The following MZF1 variants were observed in gnomAD, a reference collection of about 807,000 sequenced individuals.
The protein encoded by MZF1 is myeloid zinc finger 1.
A neutral mutation model predicts 28.6 loss-of-function variants in MZF1; 24 were observed. The ratio of observed to expected loss-of-function variants is 0.84; its 90% CI spans 0.61 to 1.18. The LOEUF (loss-of-function observed/expected upper bound fraction) is 1.18, where lower values mean the gene tolerates loss of function less well. Among genes scored for constraint, MZF1 ranks in the 50% most tolerant of loss-of-function variants. The pLI, the probability that MZF1 is intolerant of heterozygous loss-of-function variation, is 0.00. For missense variants in MZF1, 1,166 were observed against 1,026.4 expected, an observed-to-expected ratio of 1.14 and a Z score of -1.86; for synonymous variants, 516 against 432.5, an observed-to-expected ratio of 1.19 and a Z score of -2.40.
In MZF1 at chr19:58,562,806, GGCACTCGCT is replaced by G. The variant is rs2053958198; in HGVS notation, c.1462_1470del (p.Ser488_Cys490del). On this transcript the variant is annotated inframe_deletion, in exon 6 of 6. Coordinates refer to ENST00000215057, the MANE Select transcript of MZF1 (RefSeq NM_198055.2). ...ACGGCGCGCCGCGCGAAGCTCTCGCGGCACTCGCTGCACGGAAAGGGGCCGGGAGGCTCG... is the reference window on the plus strand; with the variant it reads ...ACGGCGCGCCGCGCGAAGCTCTCGCGGCACGGAAAGGGGCCGGGAGGCTCG... The G allele has an allele frequency of 6.5e-7, 1 of 1,534,438 alleles. No homozygotes were observed. Among genetic ancestry groups the G allele is most frequent in the Non-Finnish European group, 8.7e-7 (1 of 1,146,358 alleles).
chr19:58,562,510 G>A lies in MZF1; in HGVS notation c.1767C>T (p.Arg589=), dbSNP rs1313208300. The A allele has an allele frequency of 1.2e-6, 2 of 1,609,616 alleles. No homozygotes were observed. The highest frequency in any genetic ancestry group is 1.7e-6 in the Non-Finnish European group (2 of 1,178,926). ...CAAAGGGTTTCTCGCCCGTGTGTAC[G>A]CGGAGATGCTGCGTGAGCGTAGGCC... ...RQRPTLTQHL[R]VHTGEKPFAC... Residue 589 remains arginine (R), a synonymous_variant, in exon 6 of 6, where the codon CGC becomes CGT. Coordinates refer to ENST00000215057, the MANE Select transcript of MZF1 (RefSeq NM_198055.2).
intron 5 of MZF1, among the ~76,000 whole-genome samples, chr19:58,566,883 GCA>G (rs2054066873): frequency 6.7e-6 from 1 of 150,138 alleles, no homozygotes; most frequent in Non-Finnish European, 1.5e-5. Context: ...CAAAGAAAAG[GCA>G]CAGTTTTATT....
chr19:58,562,372 C>T lies in MZF1; in HGVS notation c.1905G>A (p.Thr635=), dbSNP rs1365785847. The T allele has an allele frequency of 6.2e-7, 1 of 1,607,628 alleles. No homozygotes were observed. Among genetic ancestry groups the T allele is most frequent in the African/African-American group, 1.4e-5 (1 of 73,942 alleles). The change falls in exon 6 of 6, where the codon ACG becomes ACA. Residue 635 remains threonine (T), a synonymous_variant. Coordinates refer to ENST00000215057, the MANE Select transcript of MZF1 (RefSeq NM_198055.2). ...GGTGCTCGGTGAGCCGCGAGACCTGCGTGAAGCCCAGGCCGCACTCACCGC... is the reference window on the plus strand; with the variant it reads ...GGTGCTCGGTGAGCCGCGAGACCTGTGTGAAGCCCAGGCCGCACTCACCGC... The part of the protein sequence containing the change: ...YHCGECGLGF[T]QVSRLTEHQR...
chr19:58,562,986 G>A lies in MZF1; in HGVS notation c.1291C>T (p.Arg431Trp), dbSNP rs1464972034. 3.1e-6 allele frequency: 5 copies of A among 1,602,212 alleles called. No homozygotes were observed. In the East Asian group the frequency reaches 6.7e-5, roughly 21 times the overall value. ...FVRSARLEEH[R>W]RVHTGEQPFR... ...GGCTGTTCGCCCGTGTGCACTCTCC[G>A]ATGCTCTTCCAGGCGCGCGCTGCGC... Residue 431 changes from arginine (R) to tryptophan (W), a missense_variant, in exon 6 of 6, where the codon CGG becomes TGG. By Grantham distance (101) the Arg-to-Trp change is moderately radical. Coordinates refer to ENST00000215057, the MANE Select transcript of MZF1 (RefSeq NM_198055.2).
In MZF1 at chr19:58,561,989, A is replaced by G; in HGVS notation, c.*83T>C. 7.1e-7 allele frequency: 1 copy of G among 1,411,974 alleles called. No individual in the cohort carries two copies. The highest frequency in any genetic ancestry group is 9.5e-7 in the Non-Finnish European group (1 of 1,047,510). 87.5% of individuals were successfully genotyped at this position (1,411,974 alleles called of 1,614,324 possible). ...AGCCAAGCCCTGGGCGGACCTGCTT[A>G]TACTTATGTAATCGCCAGCCTCACA... On this transcript the variant is annotated 3_prime_UTR_variant, in exon 6 of 6. Coordinates refer to ENST00000215057, the MANE Select transcript of MZF1 (RefSeq NM_198055.2).
Position 58,570,416 on chromosome 19 carries a change from G to A in MZF1, c.508C>T (p.Pro170Ser), listed in dbSNP as rs748121531. ...PPTPEPGPKT[P>S]PRTMQESPLG... ...GGTGATTCCTGCATAGTCCTAGGAG[G>A]TGTCTTGGGCCCAGGCTCTGGAGTT... is the stretch of plus-strand genomic sequence containing the variant. The change falls in exon 3 of 6, where the codon CCT becomes TCT. Residue 170 changes from proline to serine, a missense_variant. Transcript: ENST00000215057. The A allele has an allele frequency of 1.9e-6, 3 of 1,613,974 alleles. No homozygotes were observed. The highest frequency in any genetic ancestry group is 2.5e-6 in the Non-Finnish European group (3 of 1,179,884).
chr19:58,569,282 G>T lies in MZF1; in HGVS notation c.767C>A (p.Ser256Tyr), dbSNP rs775891344. The T allele has an allele frequency of 3.4e-5, 55 of 1,601,614 alleles. No individual in the cohort carries two copies. In the East Asian group the frequency reaches 1.2e-3, roughly 36 times the overall value. ...CCACACCCCATCTCACTTACCTGGG[G>T]AGAAGATGCCCCCAGCTTCCTCATG... ...LWHEEAGGIF[S>Y]PGFALQLGSI... Residue 256 changes from serine (S) to tyrosine (Y), a missense_variant, in exon 5 of 6, where the codon TCC (serine) becomes TAC (tyrosine). Physicochemically the swap from Ser to Tyr is moderately radical, Grantham distance 144. Transcript: ENST00000215057.
chr19:58,571,462 A>T, intron 1 of MZF1, 33 bp from the exon 2 acceptor site: 1 of 1,570,292 alleles, frequency 6.4e-7, no homozygotes, highest in Non-Finnish European at 8.7e-7. Flanking sequence ...CTGTTGCAAA[A>T]GGAGTACAGT....
At chr19:58,563,597 C>G in intron 5 of MZF1, 93 bp from the exon 6 acceptor site, 1 of 1,097,404 alleles carries the variant, frequency 9.1e-7, no homozygotes. Context: ...ACTACAGGGA[C>G]CTGAAACTGA....
rs1600106880 is a variant in MZF1, at chr19:58,569,407, C to T, written c.652-10G>A. On this transcript the variant is annotated splice_polypyrimidine_tract_variant and intron_variant, in intron 4 of 5. Transcript: ENST00000215057. ...GCACGGTCCCACATCTCTGAAATCA[C>T]AGTGGTCACTGCTCCTCTGTGCCTG... 2.5e-6 allele frequency: 4 copies of T among 1,614,088 alleles called. No individual in the cohort carries two copies. Among genetic ancestry groups the T allele is most frequent in the Admixed American group, 1.7e-5 (1 of 60,014 alleles).
chr19:58,570,855 T>G lies in MZF1; in HGVS notation c.396+139A>C, dbSNP rs557622903. 3 of 960,936 alleles carry G rather than the reference T, an allele frequency of 3.1e-6. No homozygotes were observed. In the South Asian group the frequency reaches 5.0e-5, roughly 16 times the overall value. 59.5% of individuals were successfully genotyped at this position (960,936 alleles called of 1,614,324 possible). A position where few individuals can be genotyped will look rare whatever the true frequency, so the allele number is the denominator to read the frequency against. On this transcript the variant is annotated intron_variant, in intron 2 of 5. Transcript: ENST00000215057. Reference sequence around the variant, plus strand: ...GGAATCCCTCTGCCCTGGGCAGCCTTGCACAGGGTCTCTGTTGCAGGTGGC... The same window carrying G: ...GGAATCCCTCTGCCCTGGGCAGCCTGGCACAGGGTCTCTGTTGCAGGTGGC...
At position 58,570,138 on chromosome 19, in the gene MZF1, A is replaced by T. The variant is rs2054130823; in HGVS notation, c.580+206T>A. The T allele has an allele frequency of 5.5e-6, 3 of 545,898 alleles. No homozygotes were observed. The East Asian group carries it at 9.5e-5, about 17-fold the overall frequency. 33.8% of individuals were successfully genotyped at this position (545,898 alleles called of 1,614,324 possible). On this transcript the variant is annotated intron_variant, in intron 3 of 5. Coordinates refer to ENST00000215057, the MANE Select transcript of MZF1 (RefSeq NM_198055.2). ...GGGTTCGTGGGTACAGGGCTGTGGC[A>T]GTCAGGCTTGGTGTGTGAGGGGTAG...
chr19:58,562,625 C>G lies in MZF1; in HGVS notation c.1652G>C (p.Arg551Pro). 6.4e-7 allele frequency: 1 copy of G among 1,567,886 alleles called. No homozygotes were observed. The highest frequency in any genetic ancestry group is 1.2e-5 in the South Asian group (1 of 86,912). Residue 551 changes from arginine to proline, a missense_variant, in exon 6 of 6, where the codon CGG (arginine) becomes CCG (proline). Transcript: ENST00000215057. ...FACAECGQSF[R>P]QRSNLTQHRR... is the part of the protein sequence containing the mutation. ...GTGCTGCGTCAGGTTGGAGCGCTGC[C>G]GGAAGCTCTGGCCGCACTCGGCACA...
rs1568677106 is a variant in MZF1, at chr19:58,563,040, C to G, written c.1237G>C (p.Val413Leu). Residue 413 changes from valine (V) to leucine (L), a missense_variant, in exon 6 of 6, where the codon GTG becomes CTG. By Grantham distance (32) the Val-to-Leu change is conservative. Coordinates refer to ENST00000215057, the MANE Select transcript of MZF1 (RefSeq NM_198055.2). ...QLTHTEERPF[V>L]CGDCGQGFVR... ...AAGCCCTGGCCACAGTCGCCGCACA[C>G]GAACGGCCGCTCCTCGGTGTGCGTA... 1 of 1,602,148 alleles carries G rather than the reference C, an allele frequency of 6.2e-7. No individual in the cohort carries two copies. Among genetic ancestry groups the G allele is most frequent in the South Asian group, 1.1e-5 (1 of 90,992 alleles).
Position 58,563,522 on chromosome 19 carries a change from C to A in MZF1, c.773-18G>T. On this transcript the variant is annotated intron_variant, in intron 5 of 5. Transcript: ENST00000215057. ...CGCGAACCCTGCATACACAAGGGGA[C>A]CATTCATTCATGACAGAATGCCCAC... 1 of 1,506,386 alleles carries A rather than the reference C, an allele frequency of 6.6e-7. No homozygotes were observed. Among genetic ancestry groups the A allele is most frequent in the Admixed American group, 2.1e-5 (1 of 46,988 alleles). 93.3% of individuals were successfully genotyped at this position (1,506,386 alleles called of 1,614,324 possible).
At chr19:58,571,618 C>T in intron 1 of MZF1, 189 bp from the exon 2 acceptor site, 1 of 583,038 alleles carries the variant, frequency 1.7e-6, no homozygotes, top group South Asian at 2.2e-5. Context: ...CACCTGTATC[C>T]CTGGTCTTCT....
chr19:58,566,855 G>A (rs1039806326), intron 5 of MZF1, among the ~76,000 whole-genome samples: 3 of 151,024 alleles, frequency 2.0e-5, no homozygotes, highest in African/African-American at 7.3e-5. Context: ...TAGATAGATA[G>A]ATAAACCTCT....
In MZF1 at chr19:58,562,787, C is replaced by A. The variant is rs1216418539; in HGVS notation, c.1490G>T (p.Arg497Leu). ...CSECRESFARRAVLLEHQAVH... is the reference protein window; with the variant it reads ...CSECRESFARLAVLLEHQAVH... ...CGCCTGGTGCTCCAGCAGCACGGCGCGCCGCGCGAAGCTCTCGCGGCACTC... is the reference window on the plus strand; with the variant it reads ...CGCCTGGTGCTCCAGCAGCACGGCGAGCCGCGCGAAGCTCTCGCGGCACTC... The change falls in exon 6 of 6, where the codon CGC becomes CTC. Residue 497 changes from arginine to leucine, a missense_variant. By Grantham distance (102) the Arg-to-Leu change is moderately radical. Coordinates refer to ENST00000215057, the MANE Select transcript of MZF1 (RefSeq NM_198055.2). The A allele has an allele frequency of 6.5e-7, 1 of 1,534,518 alleles. No individual in the cohort carries two copies. Among genetic ancestry groups the A allele is most frequent in the Non-Finnish European group, 8.7e-7 (1 of 1,146,324 alleles).
At chr19:58,567,172 T>C (rs1008261499) in intron 5 of MZF1, among the ~76,000 whole-genome samples, 6 of 152,228 alleles carry the variant, frequency 3.9e-5, no homozygotes, top group Non-Finnish European at 7.3e-5. Flanking sequence ...CCTCCCAAAG[T>C]GCTGGGATTA....
Sources: gnomAD v4.1 joint callset for allele counts (sites outside exome capture counted in the v4.1 genomes callset) on GRCh38, gnomAD v4.1.1 for gene constraint, MANE v1.5 for transcripts, NCBI Gene and HGNC (gene_info 2026-07-23, HGNC 2026-07-21) for gene names.